The following SAMD3 variants were observed in gnomAD, a reference collection of about 807,000 sequenced individuals.
SAMD3 encodes the protein sterile alpha motif domain containing 3, also known as sterile alpha motif domain-containing protein 3.
SAMD3 carries 63 observed loss-of-function variants against 58.5 expected under a neutral mutation model. The observed-to-expected ratio is 1.08, with a 90% CI of 0.88 to 1.33. SAMD3 has a LOEUF of 1.33. Among genes scored for constraint, SAMD3 ranks in the 40% most tolerant of loss-of-function variants. The pLI, the probability that SAMD3 is intolerant of heterozygous loss-of-function variation, is 0.00. For synonymous variants in SAMD3, 220 were observed against 210.3 expected, an observed-to-expected ratio of 1.05 and a Z score of -0.40; for missense variants, 604 against 608.4, an observed-to-expected ratio of 0.99 and a Z score of 0.08.
chr6:130,226,523 C>A (rs1166140116), upstream of SAMD3, among the ~76,000 whole-genome samples: 1 of 152,202 alleles, frequency 6.6e-6, no homozygotes, highest in East Asian at 1.9e-4. Context: ...GTGTATAACA[C>A]TTTATAAAAA....
chr6:130,193,210 C>G (rs555564731), intron 5 of SAMD3, among the ~76,000 whole-genome samples: 45 of 150,646 alleles, frequency 3.0e-4, no homozygotes, highest in African/African-American at 9.8e-4. Context: ...CCAACCCCTT[C>G]TCTCCATGTC....
intron 2 of SAMD3, among the ~76,000 whole-genome samples, chr6:130,260,991 T>C (rs1192809301): frequency 6.6e-6 from 1 of 152,174 alleles, no homozygotes; most frequent in African/African-American, 2.4e-5. Context: ...TTGACTCGGT[T>C]TGAATTGCTT....
rs142121737 is a variant in SAMD3 at position 130,150,568 on chromosome 6, A to T, written c.1023+4257T>A. Among the ~76,000 whole-genome samples the T allele has an allele frequency of 8.3e-3, 1,263 of 152,116 alleles. 22 individuals are homozygous for T. The highest frequency in any genetic ancestry group is 0.029 in the African/African-American group (1,191 of 41,492). Reference sequence around the variant, plus strand: ...ACTTGATTTTATCATTTCTTTCGGCAATTCTGTTTTGTTGTTTGTCCTTAG... The same window carrying T: ...ACTTGATTTTATCATTTCTTTCGGCTATTCTGTTTTGTTGTTTGTCCTTAG... On this transcript the variant is annotated intron_variant, in intron 9 of 11. Transcript: ENST00000439090.
intron 2 of SAMD3, among the ~76,000 whole-genome samples, chr6:130,311,842 A>G (rs1409354755): frequency 6.6e-6 from 1 of 152,182 alleles, no homozygotes; most frequent in Non-Finnish European, 1.5e-5. Context: ...CTAGAGAACC[A>G]GGATCCAAGG....
At chr6:130,294,123 C>CA (rs1775476653) in intron 2 of SAMD3, among the ~76,000 whole-genome samples, 1 of 152,110 alleles carries the variant, frequency 6.6e-6, no homozygotes, top group Non-Finnish European at 1.5e-5. Context: ...AGCTAGTAAG[C>CA]AAGAATACAT....
intron 1 of SAMD3, among the ~76,000 whole-genome samples, chr6:130,347,242 G>A (rs1289757832): frequency 6.6e-6 from 1 of 152,182 alleles, no homozygotes; most frequent in Non-Finnish European, 1.5e-5. Flanking sequence ...ACTTTGACGA[G>A]TTGAGAGAAC....
At chr6:130,257,150 T>C (rs1417404344) in intron 2 of SAMD3, among the ~76,000 whole-genome samples, 3 of 152,112 alleles carry the variant, frequency 2.0e-5, no homozygotes, top group Non-Finnish European at 4.4e-5. Flanking sequence ...GAAAGATCTC[T>C]CTCTGTCTCT....
At chr6:130,200,055 T>C (rs542189813) in intron 5 of SAMD3, among the ~76,000 whole-genome samples, 2 of 152,148 alleles carry the variant, frequency 1.3e-5, no homozygotes, top group Admixed American at 6.5e-5. Context: ...CAGTGTGAGA[T>C]TCAAGGCCTC....
intron 2 of SAMD3, among the ~76,000 whole-genome samples, chr6:130,271,109 C>A (rs914476275): frequency 1.6e-4 from 24 of 152,150 alleles, no homozygotes; most frequent in Middle Eastern, 6.8e-3. Flanking sequence ...AAGCGATTCT[C>A]CTGCCTTTGC....
At chr6:130,222,117 CTT>C (rs1019839792) in intron 1 of SAMD3, among the ~76,000 whole-genome samples, 1 of 152,082 alleles carries the variant, frequency 6.6e-6, no homozygotes, top group Non-Finnish European at 1.5e-5. Flanking sequence ...GGTTCCTTTG[CTT>C]GTAAAGGTAA....
At chr6:130,151,195 T>C (rs1286592944) in intron 9 of SAMD3, among the ~76,000 whole-genome samples, 1 of 152,110 alleles carries the variant, frequency 6.6e-6, no homozygotes, top group Non-Finnish European at 1.5e-5. Context: ...CGCATGCTGC[T>C]TGCCTCCCAC....
chr6:130,194,743 G>C (rs1446218870), intron 5 of SAMD3, among the ~76,000 whole-genome samples: 2 of 152,196 alleles, frequency 1.3e-5, no homozygotes, highest in South Asian at 2.1e-4. Flanking sequence ...ACCACTCCCA[G>C]AGCCCATGGA....
intron 1 of SAMD3, among the ~76,000 whole-genome samples, chr6:130,361,522 G>C (rs1777988504): frequency 6.6e-6 from 1 of 152,144 alleles, no homozygotes; most frequent in South Asian, 2.1e-4. Flanking sequence ...AAGAAATCTT[G>C]ATATTTATAA....
At chr6:130,315,972 C>T (rs1323630390) in intron 1 of SAMD3, among the ~76,000 whole-genome samples, 1 of 152,146 alleles carries the variant, frequency 6.6e-6, no homozygotes, top group Non-Finnish European at 1.5e-5. Flanking sequence ...TATCTTTCTT[C>T]ACACTCTCAA....
At chr6:130,286,786 A>T (rs930463607) in intron 2 of SAMD3, among the ~76,000 whole-genome samples, 2 of 152,144 alleles carry the variant, frequency 1.3e-5, no homozygotes, top group African/African-American at 4.8e-5. Flanking sequence ...ATCTCTGCTC[A>T]TTGCAACCTC....
intron 1 of SAMD3, among the ~76,000 whole-genome samples, chr6:130,335,648 G>C (rs548142860): frequency 6.6e-5 from 10 of 152,218 alleles, no homozygotes; most frequent in Non-Finnish European, 1.3e-4. Flanking sequence ...ATTTGACCCA[G>C]CCATCCCATT....
chr6:130,209,133 CA>C (rs112113020), intron 5 of SAMD3, among the ~76,000 whole-genome samples: 117 of 152,294 alleles, frequency 7.7e-4, no homozygotes, highest in African/African-American at 2.7e-3. Context: ...CTACAAAATT[CA>C]AAACAAAAAC....
chr6:130,253,067 T>G (rs973680441), intron 2 of SAMD3, among the ~76,000 whole-genome samples: 4 of 152,222 alleles, frequency 2.6e-5, no homozygotes, highest in Non-Finnish European at 5.9e-5. Context: ...GTACATACTT[T>G]ACACAACCTA....
At chr6:130,362,361 A>T (rs932492674) in intron 1 of SAMD3, among the ~76,000 whole-genome samples, 1 of 152,236 alleles carries the variant, frequency 6.6e-6, no homozygotes, top group Non-Finnish European at 1.5e-5. Flanking sequence ...GCACTAACGA[A>T]AGAATGACTG....
Sources: allele counts gnomAD v4.1 joint callset (sites outside exome capture counted in the v4.1 genomes callset), GRCh38; gene constraint gnomAD v4.1.1; transcripts MANE v1.5; gene names NCBI Gene and HGNC (gene_info 2026-07-23, HGNC 2026-07-21).